The following NTNG1 variants were observed in gnomAD, a reference collection of about 807,000 sequenced individuals.
NTNG1 encodes netrin G1.
Under a neutral mutation model 54.0 loss-of-function variants are expected in NTNG1, and 16 were observed. The ratio of observed to expected loss-of-function variants is 0.30; its 90% CI spans 0.20 to 0.45. NTNG1 has a LOEUF of 0.45. NTNG1 is among the 20% of genes least tolerant of loss of function. The pLI is 1.00. For missense variants in NTNG1, 530 were observed against 678.7 expected (o/e 0.78, Z 2.43); for synonymous variants, 255 against 263.1 (o/e 0.97, Z 0.30).
intron 4 of NTNG1, 108 bp from the exon 5 acceptor site, chr1:107,407,574 T>C: frequency 1.2e-6 from 1 of 840,098 alleles, no homozygotes. Flanking sequence ...TTCTTAATAG[T>C]CTGAATATTA....
chr1:107,177,118 A>G (rs1028309346), intron 2 of NTNG1, among the ~76,000 whole-genome samples: 3 of 152,152 alleles, frequency 2.0e-5, no homozygotes, highest in Non-Finnish European at 4.4e-5. Context: ...ATTCTAATGC[A>G]TTATTTTACT....
intron 2 of NTNG1, among the ~76,000 whole-genome samples, chr1:107,248,030 A>G (rs1031360280): frequency 8.5e-5 from 13 of 152,212 alleles, no homozygotes; most frequent in Non-Finnish European, 4.4e-5. Flanking sequence ...ATCCCTTGCC[A>G]CGGTAGTAGA....
intron 2 of NTNG1, among the ~76,000 whole-genome samples, chr1:107,167,276 C>T (rs772045441): frequency 2.3e-4 from 35 of 151,476 alleles, no homozygotes; most frequent in Admixed American, 5.9e-4. Context: ...GCATGTTCAC[C>T]GAGAAGAACT....
intron 7 of NTNG1, among the ~76,000 whole-genome samples, chr1:107,478,715 A>G (rs1353838236): frequency 6.6e-6 from 1 of 152,268 alleles, no homozygotes; most frequent in South Asian, 2.1e-4. Flanking sequence ...AGGATCTTCA[A>G]CTTTAGCTGA....
chr1:107,261,906 C>A (rs1201571744), intron 2 of NTNG1, among the ~76,000 whole-genome samples: 1 of 152,160 alleles, frequency 6.6e-6, no homozygotes, highest in East Asian at 1.9e-4. Flanking sequence ...TTGTGAATTC[C>A]ACATTCTCAT....
chr1:107,408,861 C>G (rs1284597815), intron 5 of NTNG1: 4 of 152,064 alleles, frequency 2.6e-5, no homozygotes, highest in Non-Finnish European at 4.4e-5. Flanking sequence ...ATCTAAAAAG[C>G]AATACTCTGA....
intron 2 of NTNG1, among the ~76,000 whole-genome samples, chr1:107,295,906 A>G (rs897074097): frequency 7.2e-5 from 11 of 152,088 alleles, no homozygotes; most frequent in Non-Finnish European, 1.5e-4. Flanking sequence ...ATTTACTGCC[A>G]TATTTGTCCC....
chr1:107,262,909 T>A (rs1663450511), intron 2 of NTNG1, among the ~76,000 whole-genome samples: 1 of 152,198 alleles, frequency 6.6e-6, no homozygotes, highest in Non-Finnish European at 1.5e-5. Flanking sequence ...CGTGAACATC[T>A]GTAATTAGAT....
At chr1:107,242,741 T>C (rs1328036382) in intron 2 of NTNG1, among the ~76,000 whole-genome samples, 4 of 152,176 alleles carry the variant, frequency 2.6e-5, no homozygotes, top group Admixed American at 6.5e-5. Flanking sequence ...CTCTCTCCAC[T>C]CGACCACCTC....
rs556345902 is a variant in NTNG1, at chr1:107,265,828, T to A, written c.247-58454T>A. 6.6e-5 allele frequency among the ~76,000 whole-genome samples: 10 copies of A among 152,342 alleles called. No individual in the cohort carries two copies. The South Asian group carries it at 1.0e-3, about 16-fold the overall frequency. On this transcript the variant is annotated intron_variant, in intron 2 of 7. Transcript: ENST00000370068. ...CAGAGCTATGAATGCATAGCAAAGATGGGAGTACTCTCTCTGGTGGTCTGG... is the reference window on the plus strand; with the variant it reads ...CAGAGCTATGAATGCATAGCAAAGAAGGGAGTACTCTCTCTGGTGGTCTGG...
At chr1:107,309,291 C>A (rs1368301022) in intron 2 of NTNG1, among the ~76,000 whole-genome samples, 1 of 152,100 alleles carries the variant, frequency 6.6e-6, no homozygotes, top group Non-Finnish European at 1.5e-5. Flanking sequence ...GATTTATAAA[C>A]TCATGTTTGA....
At chr1:107,457,898 T>C (rs549879717) in intron 7 of NTNG1, among the ~76,000 whole-genome samples, 1 of 152,236 alleles carries the variant, frequency 6.6e-6, no homozygotes, top group South Asian at 2.1e-4. Context: ...TCTGAAGACA[T>C]TTTTAATTTG....
At chr1:107,409,180 G>A (rs1363328074) in intron 5 of NTNG1, 2 of 152,078 alleles carry the variant, frequency 1.3e-5, no homozygotes, top group Non-Finnish European at 2.9e-5. Flanking sequence ...TATCCCCCTT[G>A]GCATTTGCCT....
intron 4 of NTNG1, among the ~76,000 whole-genome samples, chr1:107,395,633 T>C (rs1170542072): frequency 2.0e-5 from 3 of 152,194 alleles, no homozygotes; most frequent in Non-Finnish European, 4.4e-5. Flanking sequence ...ATTAATTTCC[T>C]ATTAAAATAT....
intron 3 of NTNG1, among the ~76,000 whole-genome samples, chr1:107,325,356 T>C (rs1475569843): frequency 3.3e-5 from 5 of 152,108 alleles, no homozygotes; most frequent in Non-Finnish European, 7.4e-5. Flanking sequence ...CACAAAAAAA[T>C]CTGGAAACTA....
intron 2 of NTNG1, among the ~76,000 whole-genome samples, chr1:107,275,275 G>A (rs1664392140): frequency 6.6e-6 from 1 of 152,162 alleles, no homozygotes; most frequent in Non-Finnish European, 1.5e-5. Context: ...TACTCGGGAG[G>A]CTGAGGCAGG....
Position 107,324,548 on chromosome 1 carries a change from A to G in NTNG1, c.513A>G (p.Thr171=). ...ILEKSLDYGR[T]WQPYQYYATD... is the part of the protein sequence containing the mutation. ...AGAAGTCTCTCGATTATGGACGAAC[A>G]TGGCAGCCCTATCAGTATTATGCCA... is the stretch of plus-strand genomic sequence containing the variant. Residue 171 remains threonine (T), a synonymous_variant, in exon 3 of 8, where the codon ACA becomes ACG. Coordinates refer to ENST00000370068, the MANE Select transcript of NTNG1 (RefSeq NM_001113226.3). The G allele has an allele frequency of 6.2e-7, 1 of 1,613,816 alleles. No homozygotes were observed. The highest frequency in any genetic ancestry group is 1.6e-4 in the Middle Eastern group (1 of 6,062).
intron 6 of NTNG1, among the ~76,000 whole-genome samples, chr1:107,433,554 A>G (rs1332787514): frequency 6.6e-6 from 1 of 152,222 alleles, no homozygotes; most frequent in Non-Finnish European, 1.5e-5. Flanking sequence ...ATCTCAAAAA[A>G]TAAAATAAAA....
intron 1 of NTNG1, chr1:107,143,137 A>G (rs1363906671): frequency 1.3e-5 from 2 of 152,160 alleles, no homozygotes; most frequent in Non-Finnish European, 2.9e-5. Context: ...GAAGGCATTC[A>G]GGATTCTATA....
Sources: gnomAD v4.1 joint callset for allele counts (sites outside exome capture counted in the v4.1 genomes callset) on GRCh38, gnomAD v4.1.1 for gene constraint, MANE v1.5 for transcripts, NCBI Gene and HGNC (gene_info 2026-07-23, HGNC 2026-07-21) for gene names.